Variants in DCUN1D4 observed in about 807,000 individuals in gnomAD.
The protein encoded by DCUN1D4 is defective in cullin neddylation 1 domain containing 4, also known as DCN1-like protein 4.
DCUN1D4 carries 22 observed loss-of-function variants against 47.9 expected under a neutral mutation model. The observed-to-expected ratio is 0.46, with a 90% CI of 0.33 to 0.66. The LOEUF (loss-of-function observed/expected upper bound fraction) is 0.66. Among genes scored for constraint, DCUN1D4 ranks in the 30% least tolerant of loss-of-function variants. The probability of loss-of-function intolerance (pLI) is 0.02; values close to 1 mark genes in which losing one functional copy is unlikely to be tolerated. For synonymous variants in DCUN1D4, 121 were observed against 112.2 expected (o/e 1.08, Z -0.50); for missense variants, 301 against 340.8 (o/e 0.88, Z 0.92).
chr4:51,867,552 G>C (rs1222546816), intron 3 of DCUN1D4, among the ~76,000 whole-genome samples: 1 of 152,188 alleles, frequency 6.6e-6, no homozygotes, highest in African/African-American at 2.4e-5. Context: ...TCTGCAGGCA[G>C]GTCCTCCCGA....
intron 1 of DCUN1D4, among the ~76,000 whole-genome samples, chr4:51,856,813 C>CTG (rs2109855278): frequency 6.6e-6 from 1 of 152,310 alleles, no homozygotes; most frequent in South Asian, 2.1e-4. Context: ...TCTAAAGTCC[C>CTG]TGTGTAAGGT....
intron 1 of DCUN1D4, chr4:51,848,240 T>C: frequency 1.6e-6 from 2 of 1,289,398 alleles, no homozygotes; most frequent in South Asian, 1.2e-5. Flanking sequence ...GGAGAAATTC[T>C]CAAGGAAAGA....
intron 8 of DCUN1D4, among the ~76,000 whole-genome samples, chr4:51,907,470 T>C (rs987630405): frequency 9.9e-5 from 15 of 152,220 alleles, no homozygotes; most frequent in African/African-American, 3.6e-4. Context: ...TCTATGTCTG[T>C]TTTTCCTGTG....
In DCUN1D4 at chr4:51,911,144, C is replaced by G. The variant is rs766314009; in HGVS notation, c.690C>G (p.Pro230=). 6.2e-7 allele frequency: 1 copy of G among 1,611,814 alleles called. No individual in the cohort carries two copies. The change falls in exon 9 of 11, where the codon CCC becomes CCG. Residue 230 remains proline (P), a synonymous_variant. Coordinates refer to ENST00000334635, the MANE Select transcript of DCUN1D4 (RefSeq NM_001040402.3). ...GACTGTTATTAGGAAAAATCTGGCC[C>G]CTTTTTCCAGTTTTTCACCAATTCT... ...MLGLLLGKIW[P]LFPVFHQFLE... is the part of the protein sequence containing the mutation.
intron 1 of DCUN1D4, among the ~76,000 whole-genome samples, chr4:51,844,023 A>T (rs1433318078): frequency 1.4e-5 from 2 of 141,494 alleles, no homozygotes; most frequent in Non-Finnish European, 3.0e-5. Context: ...GGGTAAAGAG[A>T]TGGGGCAGGT....
chr4:51,857,600 T>C (rs147865256), intron 1 of DCUN1D4, among the ~76,000 whole-genome samples: 2 of 152,348 alleles, frequency 1.3e-5, no homozygotes, highest in African/African-American at 4.8e-5. Context: ...AAGACTGTCA[T>C]ATTATTGCTG....
chr4:51,868,409 T>C (rs973278858), intron 3 of DCUN1D4, among the ~76,000 whole-genome samples: 1 of 152,232 alleles, frequency 6.6e-6, no homozygotes, highest in African/African-American at 2.4e-5. Flanking sequence ...TATGACATGC[T>C]GGTTTATTGC....
rs1413083338 is a variant in DCUN1D4 at position 51,916,562 on chromosome 4, C to T, written c.*2978C>T. The T allele has an allele frequency of 6.6e-6, 1 of 152,562 alleles. No individual in the cohort carries two copies. Among genetic ancestry groups the T allele is most frequent in the Non-Finnish European group, 1.5e-5 (1 of 68,004 alleles). The allele number at this position is 152,562 out of a possible 1,614,324, so 9.5% of individuals were successfully genotyped here. On this transcript the variant is annotated 3_prime_UTR_variant, in exon 11 of 11. Transcript: ENST00000334635. ...ATTGACCAACTAAAATGTTGGGTGT[C>T]TGTAAATGAGACCAAAACGTGGGTT...
rs964010375 is a variant in DCUN1D4, at chr4:51,909,290, C to T, written c.616-1780C>T. On this transcript the variant is annotated intron_variant, in intron 8 of 10. Coordinates refer to ENST00000334635, the MANE Select transcript of DCUN1D4 (RefSeq NM_001040402.3). ...CTGCAAAGGGAAAACTCTTCCAGAG[C>T]GCCAGTGTTGTCAGCCCAGTGCTGC... 12 of 260,634 alleles carry T rather than the reference C, an allele frequency of 4.6e-5. No individual in the cohort carries two copies. In the South Asian group the frequency reaches 4.7e-4, roughly 10 times the overall value. 16.1% of individuals were successfully genotyped at this position (260,634 alleles called of 1,614,324 possible). A position where few individuals can be genotyped will look rare whatever the true frequency, so the allele number is the denominator to read the frequency against.
intron 6 of DCUN1D4, chr4:51,886,953 CTG>C (rs1729585129): frequency 2.4e-6 from 1 of 423,218 alleles, no homozygotes; most frequent in Non-Finnish European, 4.5e-6. Context: ...ACATTGTACG[CTG>C]TGTACCTTCG....
chr4:51,860,964 A>G (rs1724957442), intron 1 of DCUN1D4, among the ~76,000 whole-genome samples: 1 of 152,176 alleles, frequency 6.6e-6, no homozygotes, highest in Non-Finnish European at 1.5e-5. Context: ...GTTAGAGACT[A>G]TTTTAGACAG....
intron 5 of DCUN1D4, 77 bp from the exon 6 acceptor site, chr4:51,886,491 A>C: frequency 8.1e-7 from 1 of 1,236,834 alleles, no homozygotes; most frequent in East Asian, 2.5e-5. Context: ...TTACTTGTTG[A>C]CAGTATAATA....
intron 1 of DCUN1D4, among the ~76,000 whole-genome samples, chr4:51,863,008 C>T (rs1725312389): frequency 6.6e-6 from 1 of 152,008 alleles, no homozygotes; most frequent in Admixed American, 6.5e-5. Context: ...GAGATCCTGT[C>T]TCAAAAAAAG....
intron 3 of DCUN1D4, 90 bp downstream of exon 3, chr4:51,863,799 T>A (rs1725469528): frequency 7.5e-7 from 1 of 1,338,148 alleles, no homozygotes; most frequent in South Asian, 1.3e-5. Context: ...TATGTTGTCA[T>A]AATGTACTCC....
intron 5 of DCUN1D4, among the ~76,000 whole-genome samples, chr4:51,882,154 T>G (rs1433331879): frequency 1.3e-5 from 2 of 152,128 alleles, no homozygotes; most frequent in Non-Finnish European, 2.9e-5. Context: ...CAGACACATG[T>G]ATTTATAAGT....
In DCUN1D4 at chr4:51,863,657, A is replaced by G. The variant is rs1471120895; in HGVS notation, c.97-13A>G. The G allele has an allele frequency of 8.1e-6, 13 of 1,613,146 alleles. No homozygotes were observed. The highest frequency in any genetic ancestry group is 4.5e-5 in the East Asian group (2 of 44,800). The stretch of plus-strand genomic sequence containing the variant: ...ATGTGATTTCTTCGTAATAACGAAC[A>G]TATTTCTTTCAGAACCTAACAGAAG... On this transcript the variant is annotated splice_polypyrimidine_tract_variant and intron_variant, in intron 2 of 10. Coordinates refer to ENST00000334635, the MANE Select transcript of DCUN1D4 (RefSeq NM_001040402.3).
rs775021452 is a variant in DCUN1D4 at position 51,843,315 on chromosome 4, A to C, written c.25+48A>C. The C allele has an allele frequency of 6.7e-6, 10 of 1,497,754 alleles. No homozygotes were observed. The South Asian group carries it at 1.1e-4, about 17-fold the overall frequency. 92.8% of individuals were successfully genotyped at this position (1,497,754 alleles called of 1,614,324 possible). ...GCGGGCCGGGGCCGGGCGGCTGCCA[A>C]ACTCGCCACTCGGCTCCCGCAGTCC... On this transcript the variant is annotated intron_variant, in intron 1 of 10. Coordinates refer to ENST00000334635, the MANE Select transcript of DCUN1D4 (RefSeq NM_001040402.3).
chr4:51,859,722 G>GA (rs1464017928), intron 1 of DCUN1D4, among the ~76,000 whole-genome samples: 1 of 138,596 alleles, frequency 7.2e-6, no homozygotes, highest in Non-Finnish European at 1.5e-5. Flanking sequence ...AAATCCAGAA[G>GA]ATAATCTAGG....
intron 5 of DCUN1D4, among the ~76,000 whole-genome samples, chr4:51,881,105 G>C (rs1161800802): frequency 6.6e-6 from 1 of 152,070 alleles, no homozygotes; most frequent in African/African-American, 2.4e-5. Flanking sequence ...TCCAGCCTGG[G>C]CAACAGAGTG....
Sources: gnomAD v4.1 joint callset for allele counts (sites outside exome capture counted in the v4.1 genomes callset) on GRCh38, gnomAD v4.1.1 for gene constraint, MANE v1.5 for transcripts, NCBI Gene and HGNC (gene_info 2026-07-23, HGNC 2026-07-21) for gene names.